Variants in FER1L6 observed in about 807,000 individuals in gnomAD.
FER1L6 encodes fer-1-like protein 6.
Under a neutral mutation model 219.2 loss-of-function variants are expected in FER1L6, and 177 were observed. The observed-to-expected ratio is 0.81, with a 90% CI of 0.71 to 0.91. The LOEUF (loss-of-function observed/expected upper bound fraction) is 0.91. Among genes scored for constraint, FER1L6 ranks in the 40% least tolerant of loss-of-function variants. The pLI is 0.00. For missense variants in FER1L6, 2,153 were observed against 2,259.9 expected (o/e 0.95, Z 0.96); for synonymous variants, 768 against 824.3 (o/e 0.93, Z 1.17).
intron 29 of FER1L6, 23 bp from the exon 30 acceptor site, chr8:124,070,444 A>G (rs1487586458): frequency 6.2e-7 from 1 of 1,611,430 alleles, no homozygotes; most frequent in Non-Finnish European, 8.5e-7. Context: ...CTCTTAGCAC[A>G]ATCTTCTCCC....
chr8:123,890,302 C>T (rs772903454), intron 1 of FER1L6, among the ~76,000 whole-genome samples: 1 of 152,120 alleles, frequency 6.6e-6, no homozygotes, highest in African/African-American at 2.4e-5. Flanking sequence ...TAATATCTAT[C>T]GTGTTTTCTT....
chr8:124,038,140 A>C (rs1368842518), intron 19 of FER1L6, among the ~76,000 whole-genome samples: 3 of 152,098 alleles, frequency 2.0e-5, no homozygotes, highest in Non-Finnish European at 2.9e-5. Flanking sequence ...ACTGGACTAC[A>C]TTCTTGCCCC....
intron 18 of FER1L6, among the ~76,000 whole-genome samples, chr8:124,034,280 AATG>A (rs1454778135): frequency 6.6e-6 from 1 of 152,212 alleles, no homozygotes; most frequent in African/African-American, 2.4e-5. Context: ...TTACTCTCAG[AATG>A]ATGGCCTTGC....
At chr8:123,961,880 C>A (rs141713110) in intron 2 of FER1L6, among the ~76,000 whole-genome samples, 1 of 129,198 alleles carries the variant, frequency 7.7e-6, no homozygotes, top group East Asian at 2.2e-4. Context: ...TGTTTGTTTT[C>A]TTTTTTTTTT....
intron 11 of FER1L6, chr8:123,984,830 C>T (rs1314621439): frequency 6.6e-6 from 1 of 152,190 alleles, no homozygotes; most frequent in African/African-American, 2.4e-5. Flanking sequence ...CTCAATGGAG[C>T]TCTTGATCCC....
chr8:123,872,121 G>C (rs1586431758), intron 1 of FER1L6, among the ~76,000 whole-genome samples: 2 of 152,198 alleles, frequency 1.3e-5, no homozygotes, highest in African/African-American at 4.8e-5. Flanking sequence ...AGAGTGAGGT[G>C]CCACATACTT....
intron 18 of FER1L6, among the ~76,000 whole-genome samples, chr8:124,028,015 A>G (rs945468269): frequency 1.3e-5 from 2 of 152,242 alleles, no homozygotes; most frequent in African/African-American, 2.4e-5. Flanking sequence ...AAAATAGCAA[A>G]ACACTTCAGA....
intron 1 of FER1L6, among the ~76,000 whole-genome samples, chr8:123,854,030 T>C (rs1436462844): frequency 6.6e-6 from 1 of 152,200 alleles, no homozygotes; most frequent in Non-Finnish European, 1.5e-5. Context: ...AGTAAAGGCC[T>C]GTGTGACTTC....
chr8:124,105,958 C>A (rs1171674985), intron 39 of FER1L6, among the ~76,000 whole-genome samples: 1 of 151,966 alleles, frequency 6.6e-6, no homozygotes, highest in Non-Finnish European at 1.5e-5. Context: ...ATAGGCAAAT[C>A]CATAGAAAAT....
chr8:124,045,818 G>A lies in FER1L6; in HGVS notation c.2641G>A (p.Asp881Asn), dbSNP rs867969426. 6.2e-7 allele frequency: 1 copy of A among 1,614,096 alleles called. No homozygotes were observed. Among genetic ancestry groups the A allele is most frequent in the Non-Finnish European group, 8.5e-7 (1 of 1,180,008 alleles). Residue 881 changes from aspartate to asparagine, a missense_variant, in exon 21 of 41, where the codon GAT becomes AAT. Asp to Asn is a conservative substitution (Grantham distance 23). Transcript: ENST00000522917. ...CTGGAACCAGATGCTGCTGTTCAAT[G>A]ATTTGGTGCTGCATGGAGATGTGAA... ...PTWNQMLLFN[D>N]LVLHGDVKEL...
intron 1 of FER1L6, among the ~76,000 whole-genome samples, chr8:123,946,952 CTT>C (rs1442640884): frequency 6.6e-6 from 1 of 151,868 alleles, no homozygotes; most frequent in African/African-American, 2.4e-5. Flanking sequence ...GCTCTGTGTA[CTT>C]TTTTTTGAAT....
At chr8:124,068,302 A>C (rs966047309) in intron 28 of FER1L6, among the ~76,000 whole-genome samples, 16 of 152,336 alleles carry the variant, frequency 1.1e-4, no homozygotes, top group Admixed American at 1.0e-3. Flanking sequence ...CGATGATAGA[A>C]GTGGAAAAAC....
intron 18 of FER1L6, among the ~76,000 whole-genome samples, chr8:124,024,196 A>G (rs1403342519): frequency 4.2e-5 from 6 of 142,460 alleles, no homozygotes; most frequent in Admixed American, 4.2e-4. Context: ...GTACTTGGCC[A>G]TTTTTTTTTT....
chr8:123,973,352 G>T (rs984640702), intron 6 of FER1L6, 82 bp from the exon 7 acceptor site: 4 of 1,146,530 alleles, frequency 3.5e-6, no homozygotes, highest in Non-Finnish European at 4.0e-6. Context: ...CTGTGCTCCA[G>T]ACAGGGTCAA....
chr8:123,893,877 T>C (rs909386954), intron 1 of FER1L6, among the ~76,000 whole-genome samples: 4 of 152,132 alleles, frequency 2.6e-5, no homozygotes, highest in African/African-American at 7.2e-5. Context: ...CAGAGAAAGA[T>C]TGCATTTTAG....
rs1322960466 is a variant in FER1L6 at position 124,082,414 on chromosome 8, C to T, written c.4347C>T (p.Tyr1449=). ...ETKIDLENRF[Y]SKHRAICGLQ... is the part of the protein sequence containing the mutation. ...AGATCGACCTGGAGAACCGCTTCTA[C>T]AGCAAACACCGAGCCATCTGTGGCT... The change falls in exon 33 of 41, where the codon TAC becomes TAT. Residue 1449 remains tyrosine (Y), a synonymous_variant. Coordinates refer to ENST00000522917, the MANE Select transcript of FER1L6 (RefSeq NM_001039112.2). The T allele has an allele frequency of 6.2e-7, 1 of 1,613,998 alleles. No homozygotes were observed. Among genetic ancestry groups the T allele is most frequent in the Non-Finnish European group, 8.5e-7 (1 of 1,179,990 alleles).
chr8:124,085,749 G>C (rs540719478), intron 33 of FER1L6, among the ~76,000 whole-genome samples: 1 of 151,946 alleles, frequency 6.6e-6, no homozygotes, highest in Admixed American at 6.6e-5. Context: ...TTGGTCTATA[G>C]GGTCGATTAT....
chr8:123,859,685 A>C (rs1393912294), intron 1 of FER1L6, among the ~76,000 whole-genome samples: 1 of 35,624 alleles, frequency 2.8e-5, no homozygotes, highest in Admixed American at 4.4e-4. Context: ...ATATCTCCCA[A>C]TGCTATCCCC....
rs368490786 is a variant in FER1L6 at position 124,008,582 on chromosome 8, T to C, written c.1701-2012T>C. ...TTCTAGACATTGGCTTAGGCAAAGA[T>C]TGTATGACCAAGAACCCAAAAGCAA... On this transcript the variant is annotated intron_variant, in intron 13 of 40. Transcript: ENST00000522917. Among the ~76,000 whole-genome samples, 43 of 152,298 alleles carry C rather than the reference T, an allele frequency of 2.8e-4. 1 individual carries two copies. The South Asian group carries it at 8.5e-3, about 30-fold the overall frequency.
Sources: allele counts gnomAD v4.1 joint callset (sites outside exome capture counted in the v4.1 genomes callset), GRCh38; gene constraint gnomAD v4.1.1; transcripts MANE v1.5; gene names NCBI Gene and HGNC (gene_info 2026-07-23, HGNC 2026-07-21).